The following TRAPPC10 variants were observed in gnomAD, a reference collection of about 807,000 sequenced individuals.
TRAPPC10 encodes trafficking protein particle complex subunit 10.
TRAPPC10 carries 23 observed loss-of-function variants against 125.5 expected under a neutral mutation model. That is an observed-to-expected ratio of 0.18 (90% CI 0.13 to 0.26). TRAPPC10 has a LOEUF of 0.26. Ranked by LOEUF, TRAPPC10 falls within the 10% of genes least tolerant of loss-of-function variation. TRAPPC10 has a pLI of 1.00. For missense variants in TRAPPC10, 1,123 were observed against 1,308.4 expected, an observed-to-expected ratio of 0.86 and a Z score of 2.19; for synonymous variants, 509 against 518.0, an observed-to-expected ratio of 0.98 and a Z score of 0.24.
chr21:44,041,207 G>C (rs1349104245), intron 3 of TRAPPC10, among the ~76,000 whole-genome samples: 3 of 152,088 alleles, frequency 2.0e-5, no homozygotes, highest in Non-Finnish European at 2.9e-5. Flanking sequence ...TCTAAGGTTT[G>C]GTGGAATTTT....
intron 7 of TRAPPC10, among the ~76,000 whole-genome samples, chr21:44,070,893 T>C (rs542958286): frequency 3.2e-4 from 48 of 152,170 alleles, no homozygotes; most frequent in South Asian, 6.2e-4. Context: ...CCTGGGGGCG[T>C]CTTCGGACCC....
chr21:44,016,794 G>A (rs960441597), intron 1 of TRAPPC10, among the ~76,000 whole-genome samples: 1 of 152,164 alleles, frequency 6.6e-6, no homozygotes, highest in Non-Finnish European at 1.5e-5. Context: ...GAGTAGCTGG[G>A]ACTACAGGCG....
intron 3 of TRAPPC10, among the ~76,000 whole-genome samples, chr21:44,045,952 TA>T (rs1424652091): frequency 6.6e-6 from 1 of 152,100 alleles, no homozygotes; most frequent in Non-Finnish European, 1.5e-5. Context: ...TTTGGGGGTT[TA>T]TTTTTTTTTT....
chr21:44,091,888 A>T (rs779432590), intron 18 of TRAPPC10, 35 bp from the exon 19 acceptor site: 1 of 1,600,930 alleles, frequency 6.2e-7, no homozygotes, highest in Non-Finnish European at 8.5e-7. Flanking sequence ...AAGTTCTTAC[A>T]TATCAAAATA....
intron 4 of TRAPPC10, among the ~76,000 whole-genome samples, chr21:44,055,231 C>G (rs1295097865): frequency 2.0e-5 from 3 of 152,060 alleles, no homozygotes; most frequent in African/African-American, 7.2e-5. Context: ...TGTTCATGAC[C>G]AGTTCATGAT....
Position 44,025,824 on chromosome 21 carries a change from GT to G in TRAPPC10, c.68-6266del, listed in dbSNP as rs1569144102. Among the ~76,000 whole-genome samples the G allele has an allele frequency of 0.016, 24 of 1,532 alleles. No homozygotes were observed. In the East Asian group the frequency reaches 0.28, roughly 18 times the overall value. 1.0% of individuals were successfully genotyped at this position (1,532 alleles called of 152,430 possible). A position where few individuals can be genotyped will look rare whatever the true frequency, so the allele number is the denominator to read the frequency against. ...GGAGAGAGCAGCAGAGGGCAGGGGT[GT>G]GTGTGTGTGTGTGTGTGTGTGTGTG... On this transcript the variant is annotated intron_variant, in intron 1 of 22. Coordinates refer to ENST00000291574, the MANE Select transcript of TRAPPC10 (RefSeq NM_003274.5).
At chr21:44,017,223 C>T (rs1406774929) in intron 1 of TRAPPC10, among the ~76,000 whole-genome samples, 1 of 152,162 alleles carries the variant, frequency 6.6e-6, no homozygotes, top group Non-Finnish European at 1.5e-5. Context: ...ACTAAAGGCA[C>T]CAACAAATGT....
intron 4 of TRAPPC10, among the ~76,000 whole-genome samples, chr21:44,053,285 ACT>A (rs1462755869): frequency 1.3e-5 from 2 of 151,910 alleles, no homozygotes; most frequent in Non-Finnish European, 2.9e-5. Context: ...ATGTTCTGAG[ACT>A]TTTTTTCTTT....
chr21:44,070,360 G>T (rs938261982), intron 7 of TRAPPC10, among the ~76,000 whole-genome samples: 1 of 152,362 alleles, frequency 6.6e-6, no homozygotes, highest in East Asian at 1.9e-4. Flanking sequence ...ATTCACAAAA[G>T]ATGATATCCA....
At chr21:44,034,568 G>A (rs1036568138) in intron 2 of TRAPPC10, among the ~76,000 whole-genome samples, 3 of 152,136 alleles carry the variant, frequency 2.0e-5, no homozygotes, top group Non-Finnish European at 4.4e-5. Context: ...GATGGCCCCA[G>A]GGAAAAGACT....
chr21:44,019,823 C>G (rs908875319), intron 1 of TRAPPC10, among the ~76,000 whole-genome samples: 1 of 152,174 alleles, frequency 6.6e-6, no homozygotes, highest in South Asian at 2.1e-4. Flanking sequence ...ATTCATCAAG[C>G]GTCTTTGGTT....
In TRAPPC10 at chr21:44,015,243, C is replaced by A. The variant is rs138111534; in HGVS notation, c.67+2683C>A. ...CCATAGAATGTATAATATTTTACTT[C>A]AGTGAAAATGCATTCTGCTTAGACC... On this transcript the variant is annotated intron_variant, in intron 1 of 22. Coordinates refer to ENST00000291574, the MANE Select transcript of TRAPPC10 (RefSeq NM_003274.5). Among the ~76,000 whole-genome samples the A allele has an allele frequency of 2.8e-3, 428 of 152,140 alleles. 2 individuals are homozygous for A. The highest frequency in any genetic ancestry group is 0.01 in the African/African-American group (419 of 41,492).
At chr21:44,013,197 C>G (rs1004189933) in intron 1 of TRAPPC10, among the ~76,000 whole-genome samples, 19 of 151,942 alleles carry the variant, frequency 1.3e-4, no homozygotes, top group African/African-American at 4.6e-4. Flanking sequence ...CTACGGACAC[C>G]TGGTGCCTCT....
chr21:44,022,850 T>C (rs904764058), intron 1 of TRAPPC10, among the ~76,000 whole-genome samples: 1 of 151,882 alleles, frequency 6.6e-6, no homozygotes, highest in African/African-American at 2.4e-5. Flanking sequence ...AGCTGGAGGC[T>C]GGGTCAGCTT....
rs749196566 is a variant in TRAPPC10, at chr21:44,063,519, A to G, written c.791-19A>G. 8.7e-6 allele frequency: 14 copies of G among 1,612,850 alleles called. No homozygotes were observed. In the East Asian group the frequency reaches 2.5e-4, roughly 28 times the overall value. On this transcript the variant is annotated intron_variant, in intron 6 of 22. Coordinates refer to ENST00000291574, the MANE Select transcript of TRAPPC10 (RefSeq NM_003274.5). This position sits in a 1 kb window ranked among gnomAD's most constrained non-coding sequence, Gnocchi z 4.4. ...GAAGTACCTGCAATCAGCACCTTTC[A>G]TGATGTGTGTTTGTTTAGATGGTGC...
intron 3 of TRAPPC10, among the ~76,000 whole-genome samples, chr21:44,048,881 A>C (rs1229615881): frequency 6.9e-6 from 1 of 145,750 alleles, no homozygotes; most frequent in Non-Finnish European, 1.5e-5. Flanking sequence ...GAAGCAGTTC[A>C]CTCATTGATT....
chr21:44,077,989 T>C (rs560778663), intron 11 of TRAPPC10, among the ~76,000 whole-genome samples: 17 of 152,330 alleles, frequency 1.1e-4, no homozygotes, highest in African/African-American at 3.6e-4. Context: ...ATAACTGTTA[T>C]TGGTCTTTGA....
chr21:44,038,469 C>T (rs939680386), intron 3 of TRAPPC10, among the ~76,000 whole-genome samples: 1 of 151,954 alleles, frequency 6.6e-6, no homozygotes, highest in Non-Finnish European at 1.5e-5. Context: ...CATGTCCTTC[C>T]TCCCTGTTGC....
At chr21:44,039,246 C>T (rs1344725273) in intron 3 of TRAPPC10, among the ~76,000 whole-genome samples, 1 of 152,234 alleles carries the variant, frequency 6.6e-6, no homozygotes, top group Non-Finnish European at 1.5e-5. Flanking sequence ...CCATCTCCGT[C>T]AGCCCGTCCC....
Sources: gnomAD v4.1 joint callset for allele counts (sites outside exome capture counted in the v4.1 genomes callset) on GRCh38, gnomAD v4.1.1 for gene constraint, Gnocchi (gnomAD v3.1) non-coding constraint, MANE v1.5 for transcripts, NCBI Gene and HGNC (gene_info 2026-07-23, HGNC 2026-07-21) for gene names.